The following PRTFDC1 variants were observed in gnomAD, a reference collection of about 807,000 sequenced individuals.
The protein encoded by PRTFDC1 is phosphoribosyltransferase domain-containing protein 1.
A neutral mutation model predicts 34.6 loss-of-function variants in PRTFDC1; 38 were observed. That is an observed-to-expected ratio of 1.10 (90% CI 0.85 to 1.44). PRTFDC1 has a LOEUF of 1.44. PRTFDC1 is among the 40% of genes most tolerant of loss of function. The pLI is 0.00. For synonymous variants in PRTFDC1, 93 were observed against 98.1 expected (o/e 0.95, Z 0.31); for missense variants, 270 against 283.0 (o/e 0.95, Z 0.33).
chr10:24,861,941 G>C (rs1847687088), intron 4 of PRTFDC1, among the ~76,000 whole-genome samples: 1 of 151,746 alleles, frequency 6.6e-6, no homozygotes, highest in African/African-American at 2.4e-5. Flanking sequence ...GCCCAGCCGT[G>C]TATTCATTCT....
chr10:24,908,678 G>A (rs754547570), intron 3 of PRTFDC1: 1 of 1,601,556 alleles, frequency 6.2e-7, no homozygotes, highest in South Asian at 1.1e-5. Context: ...CTTCAACCGA[G>A]CACGCAGCTT....
rs775017775 is a variant in PRTFDC1, at chr10:24,899,740, A to G, written c.340-27677T>C. ...TTTAAAAATCCAAGTTTTCAAGATA[A>G]TAGAGACAGATGACAATGATGAATG... On this transcript the variant is annotated intron_variant, in intron 3 of 8. Coordinates refer to ENST00000320152, the MANE Select transcript of PRTFDC1 (RefSeq NM_020200.7). Among the ~76,000 whole-genome samples the G allele has an allele frequency of 2.2e-4, 33 of 152,226 alleles. 1 individual carries two copies. The highest frequency in any genetic ancestry group is 4.3e-4 in the Non-Finnish European group (29 of 68,048).
chr10:24,858,252 C>T (rs1847616583), intron 5 of PRTFDC1, 140 bp downstream of exon 5: 2 of 797,002 alleles, frequency 2.5e-6, no homozygotes, highest in South Asian at 1.7e-5. Context: ...CTATCTGGCC[C>T]CTATTCATTA....
intron 4 of PRTFDC1, chr10:24,867,575 T>C (rs953461696): frequency 1.3e-5 from 2 of 152,168 alleles, no homozygotes; most frequent in African/African-American, 4.8e-5. Context: ...ACTTCCCTGT[T>C]TTTGATTAAT....
At chr10:24,939,351 G>A (rs1588624671) in intron 2 of PRTFDC1, among the ~76,000 whole-genome samples, 1 of 145,372 alleles carries the variant, frequency 6.9e-6, no homozygotes, top group African/African-American at 2.5e-5. Flanking sequence ...AGACAAAAAA[G>A]GAAACAACAA....
chr10:24,936,339 G>A (rs986307433), intron 3 of PRTFDC1, among the ~76,000 whole-genome samples: 2 of 151,866 alleles, frequency 1.3e-5, no homozygotes, highest in East Asian at 1.9e-4. Context: ...GAGTGCAGTG[G>A]TGCCATACAG....
chr10:24,856,033 G>A (rs183100926), intron 6 of PRTFDC1, among the ~76,000 whole-genome samples: 36 of 140,202 alleles, frequency 2.6e-4, no homozygotes, highest in Admixed American at 8.0e-4. Flanking sequence ...AGAATTGCTC[G>A]AACCCGGGAG....
At position 24,882,517 on chromosome 10, in the gene PRTFDC1, A is replaced by G. The variant is rs147959250; in HGVS notation, c.340-10454T>C. Reference sequence around the variant, plus strand: ...AGCGCGCATGTTAGCTGCATTTTTAATGCTTCTTCCCCACCCACTTTAGCC... The same window carrying G: ...AGCGCGCATGTTAGCTGCATTTTTAGTGCTTCTTCCCCACCCACTTTAGCC... On this transcript the variant is annotated intron_variant, in intron 3 of 8. Coordinates refer to ENST00000320152, the MANE Select transcript of PRTFDC1 (RefSeq NM_020200.7). Among the ~76,000 whole-genome samples, 469 of 152,252 alleles carry G rather than the reference A, an allele frequency of 3.1e-3. 1 individual carries two copies. Among genetic ancestry groups the G allele is most frequent in the African/African-American group, 0.011 (459 of 41,546 alleles).
intron 3 of PRTFDC1, among the ~76,000 whole-genome samples, chr10:24,876,459 G>T (rs953707785): frequency 6.6e-6 from 1 of 152,112 alleles, no homozygotes; most frequent in African/African-American, 2.4e-5. Flanking sequence ...ACTTTGGGAG[G>T]CCGAGGCAGG....
intron 2 of PRTFDC1, among the ~76,000 whole-genome samples, chr10:24,940,327 C>G (rs1849135559): frequency 6.6e-6 from 1 of 152,098 alleles, no homozygotes; most frequent in South Asian, 2.1e-4. Context: ...AATCATATAT[C>G]TGATAAAGGA....
intron 4 of PRTFDC1, among the ~76,000 whole-genome samples, chr10:24,865,119 A>G (rs1367865738): frequency 1.3e-5 from 2 of 152,098 alleles, no homozygotes; most frequent in African/African-American, 2.4e-5. Context: ...CTGTCTCAAC[A>G]AAACAAAACA....
rs117586155 is a variant in PRTFDC1, at chr10:24,885,159, C to T, written c.340-13096G>A. On this transcript the variant is annotated intron_variant, in intron 3 of 8. Transcript: ENST00000320152. ...TCAAGTTTCAAAACCTTAACTATTT[C>T]AGCAAAGGGTATGTGGATCTGCCTT... 5.0e-3 allele frequency among the ~76,000 whole-genome samples: 766 copies of T among 152,336 alleles called. 5 individuals carry two copies. The highest frequency in any genetic ancestry group is 9.4e-3 in the Non-Finnish European group (642 of 68,038).
chr10:24,924,322 G>A (rs560102465), intron 3 of PRTFDC1, among the ~76,000 whole-genome samples: 2 of 152,264 alleles, frequency 1.3e-5, no homozygotes, highest in Admixed American at 1.3e-4. Flanking sequence ...GATACTCCTC[G>A]AGAAGAGCAA....
chr10:24,936,662 C>T (rs61854336), intron 3 of PRTFDC1, among the ~76,000 whole-genome samples: 21,770 of 152,134 alleles, frequency 0.14, 1,789 homozygotes, highest in East Asian at 0.28. Flanking sequence ...ATGGAGTAAA[C>T]TGGTGGAGGG....
chr10:24,934,283 C>T (rs1020505944), intron 3 of PRTFDC1, among the ~76,000 whole-genome samples: 5 of 151,296 alleles, frequency 3.3e-5, no homozygotes, highest in South Asian at 2.1e-4. Context: ...AGAACTGATA[C>T]GAAGAAGAAG....
intron 3 of PRTFDC1, among the ~76,000 whole-genome samples, chr10:24,916,432 A>G (rs979477563): frequency 3.3e-5 from 5 of 152,216 alleles, no homozygotes; most frequent in African/African-American, 4.8e-5. Flanking sequence ...GGCTAACTCC[A>G]TACAGTGGCC....
intron 4 of PRTFDC1, among the ~76,000 whole-genome samples, chr10:24,859,379 C>T (rs1376267964): frequency 1.3e-5 from 2 of 152,218 alleles, no homozygotes; most frequent in African/African-American, 4.8e-5. Flanking sequence ...CCCACCTCAC[C>T]TTCCCACGTG....
chr10:24,870,044 C>T (rs537956742), intron 4 of PRTFDC1, among the ~76,000 whole-genome samples: 12 of 152,194 alleles, frequency 7.9e-5, no homozygotes, highest in African/African-American at 2.9e-4. Flanking sequence ...AAAAATAAGC[C>T]CTAAGGTAAA....
At chr10:24,893,224 T>A (rs1291872045) in intron 3 of PRTFDC1, among the ~76,000 whole-genome samples, 1 of 152,154 alleles carries the variant, frequency 6.6e-6, no homozygotes, top group African/African-American at 2.4e-5. Flanking sequence ...GCATGTATAG[T>A]CAGAAAGTTT....
Sources: gnomAD v4.1 joint callset for allele counts (sites outside exome capture counted in the v4.1 genomes callset) on GRCh38, gnomAD v4.1.1 for gene constraint, MANE v1.5 for transcripts, NCBI Gene and HGNC (gene_info 2026-07-23, HGNC 2026-07-21) for gene names.